Variants in FN1 observed in about 807,000 individuals in gnomAD.
The protein encoded by FN1 is fibronectin.
FN1 carries 106 observed loss-of-function variants against 297.3 expected under a neutral mutation model. The ratio of observed to expected loss-of-function variants is 0.36; its 90% CI spans 0.30 to 0.42. FN1 has a LOEUF of 0.42. Among genes scored for constraint, FN1 ranks in the 10% least tolerant of loss-of-function variants. FN1 has a pLI of 1.00. For synonymous variants in FN1, 1,149 were observed against 1,152.6 expected (o/e 1.00, Z 0.06); for missense variants, 2,690 against 3,124.9 (o/e 0.86, Z 3.32).
intron 20 of FN1, 143 bp from the exon 21 acceptor site, chr2:215,399,494 G>T (rs2060732181): frequency 3.0e-6 from 2 of 663,052 alleles, no homozygotes; most frequent in Non-Finnish European, 5.5e-6. Context: ...CATTGGGTGA[G>T]AATTGGGAGA....
intron 12 of FN1, among the ~76,000 whole-genome samples, chr2:215,417,584 G>C (rs560076365): frequency 6.6e-6 from 1 of 152,156 alleles, no homozygotes; most frequent in Non-Finnish European, 1.5e-5. Flanking sequence ...TTGGTAATCT[G>C]CTGTTCCCTT....
chr2:215,373,340 T>C lies in FN1; in HGVS notation c.6229A>G (p.Ile2077Val), dbSNP rs771040738. 2 of 1,613,430 alleles carry C rather than the reference T, an allele frequency of 1.2e-6. No individual in the cohort carries two copies. Among genetic ancestry groups the C allele is most frequent in the African/African-American group, 2.7e-5 (2 of 74,902 alleles). ...LKNNQKSEPL[I>V]GRKKTDELPQ... Reference sequence around the variant, plus strand: ...CTCTTACCTGTCTTTTTCCTTCCAATCAGGGGCTCGCTCTTCTGATTATTC... The same window carrying C: ...CTCTTACCTGTCTTTTTCCTTCCAACCAGGGGCTCGCTCTTCTGATTATTC... Residue 2077 changes from isoleucine (I) to valine (V), a missense_variant, in exon 39 of 46, where the codon ATT (isoleucine) becomes GTT (valine). By Grantham distance (29) the Ile-to-Val change is conservative. This residue lies in a region of FN1 where 1,743 missense variants were observed against 1,945.2 expected (regional missense o/e 0.90). Coordinates refer to ENST00000354785, the MANE Select transcript of FN1 (RefSeq NM_212482.4).
intron 21 of FN1, 140 bp downstream of exon 21, chr2:215,399,117 A>G (rs2060664747): frequency 1.4e-6 from 1 of 714,556 alleles, no homozygotes; most frequent in African/African-American, 1.7e-5. Flanking sequence ...AGGCCCTGAC[A>G]ATGTAGTCAA....
rs773320467 is a variant in FN1, at chr2:215,424,224, G to T, written c.1138C>A (p.Gln380Lys). 1.2e-6 allele frequency: 2 copies of T among 1,614,204 alleles called. No homozygotes were observed. Among genetic ancestry groups the T allele is most frequent in the South Asian group, 2.2e-5 (2 of 91,078 alleles). The change falls in exon 8 of 46, where the codon CAG becomes AAG. Residue 380 changes from glutamine (Q) to lysine (K), a missense_variant. Gln to Lys is a moderately conservative substitution (Grantham distance 53). Coordinates refer to ENST00000354785, the MANE Select transcript of FN1 (RefSeq NM_212482.4). ...TFYSCTTEGR[Q>K]DGHLWCSTTS... is the part of the protein sequence containing the mutation. ...GTGCTGCACCAAAGATGTCCGTCCT[G>T]TCGCCCTTCTGTGGTGCAGGAGTAG...
At chr2:215,392,778 GATGC>G in intron 25 of FN1, 149 bp downstream of exon 25, 1 of 776,352 alleles carries the variant, frequency 1.3e-6, no homozygotes, top group Non-Finnish European at 2.2e-6. Context: ...CAGTTTAGCA[GATGC>G]ATTTGATTCC....
At chr2:215,401,257 A>AGGAAGGAAGGAAGGAAGGAAGGAAG (rs1559476133) in intron 20 of FN1, among the ~76,000 whole-genome samples, 2 of 31,628 alleles carry the variant, frequency 6.3e-5, no homozygotes, top group African/African-American at 1.9e-4. Context: ...AAAGGAAGAA[A>AGGAAGGAAGGAAGGAAGGAAGGAAG]GAAAGGAAGG....
Position 215,425,245 on chromosome 2 carries a change from T to C in FN1, c.885A>G (p.Gln295=), listed in dbSNP as rs773638206. ...GAGGAGGCTGGGGGTGAGGCTGCGGTTGGTAAACAGCTGCACGAACATCGG... is the reference window on the plus strand; with the variant it reads ...GAGGAGGCTGGGGGTGAGGCTGCGGCTGGTAAACAGCTGCACGAACATCGG... ...PFTDVRAAVY[Q]PQPHPQPPPY... Residue 295 remains glutamine (Q), a synonymous_variant, in exon 7 of 46, where the codon CAA becomes CAG. Transcript: ENST00000354785. The C allele has an allele frequency of 1.9e-6, 3 of 1,613,964 alleles. No individual in the cohort carries two copies. The African/African-American group carries it at 4.0e-5, about 22-fold the overall frequency.
intron 22 of FN1, 152 bp from the exon 23 acceptor site, chr2:215,397,375 G>A (rs2060427014): frequency 1.6e-6 from 1 of 607,354 alleles, no homozygotes; most frequent in South Asian, 1.8e-5. Flanking sequence ...AAATATGATG[G>A]ACAGCAGTAA....
chr2:215,379,246 G>A lies in FN1; in HGVS notation c.5506C>T (p.Pro1836Ser). The change falls in exon 34 of 46, where the codon CCC (proline) becomes TCC (serine). Residue 1836 changes from proline to serine, a missense_variant. Around this residue, in one of 3 missense-constraint regions of FN1, gnomAD observed 1,743 missense variants for 1,945.2 expected, o/e 0.90. Coordinates refer to ENST00000354785, the MANE Select transcript of FN1 (RefSeq NM_212482.4). ...PTSLSAQWTP[P>S]NVQLTGYRVR... ...CGATATCCAGTGAGCTGAACATTGG[G>A]TGGTGTCCACTGGGCGCTCAGGCTT... is the stretch of plus-strand genomic sequence containing the variant. The A allele has an allele frequency of 1.9e-6, 3 of 1,614,062 alleles. No individual in the cohort carries two copies. The highest frequency in any genetic ancestry group is 1.7e-6 in the Non-Finnish European group (2 of 1,180,002).
chr2:215,383,979 A>G (rs1482843405), intron 30 of FN1, 41 bp downstream of exon 30: 2 of 1,588,862 alleles, frequency 1.3e-6, no homozygotes, highest in African/African-American at 1.4e-5. Flanking sequence ...CAGTATCTGA[A>G]TAAGTAAAAG....
At chr2:215,417,958 C>A (rs12105173) in intron 12 of FN1, among the ~76,000 whole-genome samples, 41,634 of 151,966 alleles carry the variant, frequency 0.27, 6,084 homozygotes, top group Non-Finnish European at 0.31. Flanking sequence ...AATATAGAAA[C>A]CACAGAGCAT....
intron 13 of FN1, 114 bp from the exon 14 acceptor site, chr2:215,410,228 A>T: frequency 9.5e-7 from 1 of 1,050,006 alleles, no homozygotes; most frequent in Non-Finnish European, 1.4e-6. Context: ...GGACTTAGGC[A>T]GCTCCATTCT....
At position 215,384,169 on chromosome 2, in the gene FN1, ACAGGGC is replaced by A; in HGVS notation, c.4739_4744del (p.Ser1580_Val1582delinsIle). 6.2e-7 allele frequency: 1 copy of A among 1,614,166 alleles called. No homozygotes were observed. Among genetic ancestry groups the A allele is most frequent in the Non-Finnish European group, 8.5e-7 (1 of 1,180,016 alleles). ...GCTCCCAGGCACAGTGAACTCCTGGACAGGGCTATTTCCTCCTGTATGAAAAAGGGT... is the reference window on the plus strand; with the variant it reads ...GCTCCCAGGCACAGTGAACTCCTGGATATTTCCTCCTGTATGAAAAAGGGT... On this transcript the variant is annotated inframe_deletion, in exon 30 of 46. Transcript: ENST00000354785.
In FN1 at chr2:215,372,019, T is replaced by C. The variant is rs755094788; in HGVS notation, c.6604A>G (p.Thr2202Ala). Residue 2202 changes from threonine (T) to alanine (A), a missense_variant, in exon 40 of 46, where the codon ACA becomes GCA. Thr to Ala is a moderately conservative substitution (Grantham distance 58). Transcript: ENST00000354785. ...GTCTGAGAGAGAGCTTCTTGTCCTG[T>C]AGAGGCATTTGGATTGAGTCCCGGA... ...HGPGLNPNAS[T>A]GQEALSQTTI... is the part of the protein sequence containing the mutation. The C allele has an allele frequency of 3.1e-6, 5 of 1,614,244 alleles. No individual in the cohort carries two copies. Among genetic ancestry groups the C allele is most frequent in the Non-Finnish European group, 3.4e-6 (4 of 1,180,044 alleles).
intron 13 of FN1, among the ~76,000 whole-genome samples, chr2:215,410,507 CT>C (rs34645626): frequency 0.65 from 86,429 of 133,872 alleles, 27,583 homozygotes; most frequent in East Asian, 0.96. Flanking sequence ...GGCACCTTCA[CT>C]TTTTTTTTTT....
intron 24 of FN1, 29 bp downstream of exon 24, chr2:215,394,499 C>G: frequency 6.4e-7 from 1 of 1,567,512 alleles, no homozygotes; most frequent in Non-Finnish European, 8.8e-7. Flanking sequence ...AAGTGTCACT[C>G]TCAGGATAGC....
intron 33 of FN1, chr2:215,380,572 C>A: frequency 1.8e-6 from 1 of 568,748 alleles, no homozygotes; most frequent in Non-Finnish European, 3.1e-6. Context: ...CTTCAAATGT[C>A]TTGCTTTATG....
chr2:215,415,898 TGTCA>T (rs928775605), intron 12 of FN1, among the ~76,000 whole-genome samples: 16 of 152,170 alleles, frequency 1.1e-4, no homozygotes, highest in African/African-American at 3.4e-4. Flanking sequence ...ATCTTTATGA[TGTCA>T]GTCAATGTTT....
intron 38 of FN1, 66 bp downstream of exon 38, chr2:215,375,148 G>A: frequency 6.8e-7 from 1 of 1,476,570 alleles, no homozygotes; most frequent in Non-Finnish European, 9.5e-7. Context: ...CGCTGTGGGA[G>A]TTTGCTAAGG....
Sources: gnomAD v4.1 joint callset for allele counts (sites outside exome capture counted in the v4.1 genomes callset) on GRCh38, gnomAD v4.1.1 for gene constraint, gnomAD v4.1.1 regional missense constraint, MANE v1.5 for transcripts, NCBI Gene and HGNC (gene_info 2026-07-23, HGNC 2026-07-21) for gene names.